Variants in LUZP2 observed in about 807,000 individuals in gnomAD.
The protein encoded by LUZP2 is leucine zipper protein 2.
Under a neutral mutation model 51.6 loss-of-function variants are expected in LUZP2, and 52 were observed. The ratio of observed to expected loss-of-function variants is 1.01; its 90% CI spans 0.81 to 1.27. The LOEUF is 1.27. Ranked by LOEUF, LUZP2 falls within the 50% of genes most tolerant of loss-of-function variation. The pLI is 0.00. For synonymous variants in LUZP2, 154 were observed against 137.3 expected (o/e 1.12, Z -0.85); for missense variants, 436 against 395.4 (o/e 1.10, Z -0.87).
At chr11:24,677,514 C>T (rs752661936) in intron 1 of LUZP2, among the ~76,000 whole-genome samples, 2 of 152,150 alleles carry the variant, frequency 1.3e-5, no homozygotes, top group Non-Finnish European at 2.9e-5. Flanking sequence ...TTCCAAAGCC[C>T]CTGCTCTTTG....
At chr11:24,724,905 C>T (rs1858414567) in intron 1 of LUZP2, among the ~76,000 whole-genome samples, 2 of 152,186 alleles carry the variant, frequency 1.3e-5, no homozygotes, top group South Asian at 4.2e-4. Context: ...AGAAACCCAT[C>T]CACAATAGTA....
At chr11:24,726,594 C>T (rs1858485977) in intron 1 of LUZP2, among the ~76,000 whole-genome samples, 1 of 151,902 alleles carries the variant, frequency 6.6e-6, no homozygotes, top group Admixed American at 6.6e-5. Flanking sequence ...ACTTATATCA[C>T]AGAAGTACTC....
intron 5 of LUZP2, among the ~76,000 whole-genome samples, chr11:24,767,788 A>G (rs1860248103): frequency 1.3e-5 from 2 of 152,126 alleles, no homozygotes; most frequent in Non-Finnish European, 2.9e-5. Context: ...TTTGGTTGCA[A>G]AAAGTATACA....
chr11:24,626,663 T>C (rs1025427361), intron 1 of LUZP2, among the ~76,000 whole-genome samples: 57 of 152,170 alleles, frequency 3.7e-4, no homozygotes, highest in African/African-American at 1.4e-3. Flanking sequence ...CAGCCAATTG[T>C]TTGTAAGGAA....
intron 4 of LUZP2, among the ~76,000 whole-genome samples, chr11:24,741,009 ATAT>A (rs1187894835): frequency 6.6e-6 from 1 of 152,076 alleles, no homozygotes; most frequent in African/African-American, 2.4e-5. Context: ...TTATATGATA[ATAT>A]TGTGGTAAGA....
chr11:24,810,710 A>T (rs550383571), intron 5 of LUZP2, among the ~76,000 whole-genome samples: 1 of 152,342 alleles, frequency 6.6e-6, no homozygotes, highest in Non-Finnish European at 1.5e-5. Flanking sequence ...TACTGTCAAG[A>T]ACAGAGTTAT....
chr11:24,802,453 T>G (rs1435949742), intron 5 of LUZP2, among the ~76,000 whole-genome samples: 1 of 152,040 alleles, frequency 6.6e-6, no homozygotes, highest in Non-Finnish European at 1.5e-5. Context: ...CAGATATCAC[T>G]GCCACTGTTT....
chr11:24,688,309 A>T (rs1340282564), intron 1 of LUZP2, among the ~76,000 whole-genome samples: 1 of 152,190 alleles, frequency 6.6e-6, no homozygotes, highest in African/African-American at 2.4e-5. Context: ...AAATACAGAG[A>T]CATTAAGCAC....
At chr11:24,853,226 A>G (rs1301186255) in intron 5 of LUZP2, among the ~76,000 whole-genome samples, 1 of 151,898 alleles carries the variant, frequency 6.6e-6, no homozygotes, top group Admixed American at 6.6e-5. Context: ...TTTCCTTTCC[A>G]TATTTAGTGC....
intron 7 of LUZP2, among the ~76,000 whole-genome samples, chr11:24,950,693 C>T (rs560985997): frequency 7.3e-5 from 11 of 151,444 alleles, no homozygotes; most frequent in Non-Finnish European, 1.5e-4. Flanking sequence ...CGATAATTAC[C>T]CCAAAGAAAA....
chr11:24,971,309 G>A (rs546049383), intron 7 of LUZP2, among the ~76,000 whole-genome samples: 11 of 152,236 alleles, frequency 7.2e-5, no homozygotes, highest in African/African-American at 1.9e-4. Context: ...CCTTACATGC[G>A]TAGTTCACAA....
At chr11:24,877,554 G>A (rs1852312602) in intron 5 of LUZP2, among the ~76,000 whole-genome samples, 1 of 151,916 alleles carries the variant, frequency 6.6e-6, no homozygotes, top group Non-Finnish European at 1.5e-5. Context: ...GGAAAATGGG[G>A]TATCCACCTC....
At chr11:24,934,020 C>T (rs758445610) in intron 7 of LUZP2, among the ~76,000 whole-genome samples, 15 of 152,034 alleles carry the variant, frequency 9.9e-5, no homozygotes, top group Non-Finnish European at 1.5e-4. Flanking sequence ...GTGTATCGTA[C>T]AAAGTACATT....
chr11:24,710,296 T>C (rs991049038), intron 1 of LUZP2, among the ~76,000 whole-genome samples: 1 of 152,140 alleles, frequency 6.6e-6, no homozygotes, highest in Non-Finnish European at 1.5e-5. Context: ...CCCCCTTCTT[T>C]TAGAGTTTTT....
At chr11:24,588,515 T>C (rs764772651) in intron 1 of LUZP2, among the ~76,000 whole-genome samples, 41 of 152,256 alleles carry the variant, frequency 2.7e-4, no homozygotes, top group South Asian at 1.0e-3. Context: ...CCTGACTTCC[T>C]TGTCTGTCTC....
At chr11:24,708,326 A>G (rs927183366) in intron 1 of LUZP2, among the ~76,000 whole-genome samples, 20 of 152,198 alleles carry the variant, frequency 1.3e-4, no homozygotes, top group Non-Finnish European at 2.8e-4. Flanking sequence ...CTATCTGGGC[A>G]TCTCTTAGCC....
At chr11:24,656,759 G>A (rs1156626947) in intron 1 of LUZP2, among the ~76,000 whole-genome samples, 1 of 152,178 alleles carries the variant, frequency 6.6e-6, no homozygotes, top group African/African-American at 2.4e-5. Context: ...AGCAACAGCA[G>A]GCCAAGTCCT....
intron 5 of LUZP2, among the ~76,000 whole-genome samples, chr11:24,827,246 A>G (rs746171259): frequency 3.3e-5 from 5 of 152,208 alleles, no homozygotes; most frequent in Non-Finnish European, 7.3e-5. Flanking sequence ...GTTACTTGTC[A>G]AACCAGAGTG....
chr11:24,827,992 C>T (rs1850593044), intron 5 of LUZP2, among the ~76,000 whole-genome samples: 1 of 151,832 alleles, frequency 6.6e-6, no homozygotes, highest in Non-Finnish European at 1.5e-5. Flanking sequence ...AGGTCTGCAA[C>T]TTACAGATTT....
Sources: gnomAD v4.1 joint callset for allele counts (sites outside exome capture counted in the v4.1 genomes callset) on GRCh38, gnomAD v4.1.1 for gene constraint, MANE v1.5 for transcripts, NCBI Gene and HGNC (gene_info 2026-07-23, HGNC 2026-07-21) for gene names.